The following PLCH1 variants were observed in gnomAD, a reference collection of about 807,000 sequenced individuals.
PLCH1 encodes the protein 1-phosphatidylinositol 4,5-bisphosphate phosphodiesterase eta-1.
In PLCH1, 60 loss-of-function variants were observed where a neutral mutation model predicts 126.7. That is an observed-to-expected ratio of 0.47 (90% confidence interval 0.38 to 0.59). PLCH1 has a LOEUF of 0.59. Among genes scored for constraint, PLCH1 ranks in the 20% least tolerant of loss-of-function variants. PLCH1 has a pLI of 0.00. For missense variants in PLCH1, 1,723 were observed against 2,040.0 expected (o/e 0.84, Z 2.99); for synonymous variants, 719 against 734.9 (o/e 0.98, Z 0.35).
At chr3:155,527,030 C>T (rs1722044943) in intron 10 of PLCH1, among the ~76,000 whole-genome samples, 1 of 152,150 alleles carries the variant, frequency 6.6e-6, no homozygotes, top group African/African-American at 2.4e-5. Flanking sequence ...CACCCTACTC[C>T]CTCCACCCAC....
intron 21 of PLCH1, among the ~76,000 whole-genome samples, chr3:155,486,549 G>T (rs1171063623): frequency 8.0e-6 from 1 of 125,458 alleles, no homozygotes; most frequent in Non-Finnish European, 1.6e-5. Flanking sequence ...ACGGAGTCTC[G>T]CTCTGTCGCC....
intron 10 of PLCH1, among the ~76,000 whole-genome samples, chr3:155,537,638 A>T (rs907884387): frequency 2.0e-5 from 3 of 151,972 alleles, no homozygotes; most frequent in Non-Finnish European, 4.4e-5. Flanking sequence ...AACAGCAGTT[A>T]AAAAAAACAA....
intron 2 of PLCH1, among the ~76,000 whole-genome samples, chr3:155,688,709 G>A (rs920084110): frequency 2.0e-5 from 3 of 152,156 alleles, no homozygotes; most frequent in African/African-American, 7.2e-5. Flanking sequence ...CACCACTGCT[G>A]ATGGAAGAGC....
At chr3:155,506,573 A>G (rs1718783021) in intron 12 of PLCH1, among the ~76,000 whole-genome samples, 1 of 124,328 alleles carries the variant, frequency 8.0e-6, no homozygotes, top group Non-Finnish European at 1.6e-5. Context: ...TCATTGTTCA[A>G]TTCCCACCTA....
chr3:155,722,442 G>A (rs1050822224), intron 1 of PLCH1, among the ~76,000 whole-genome samples: 4 of 152,208 alleles, frequency 2.6e-5, no homozygotes, highest in South Asian at 2.1e-4. Flanking sequence ...GATTACAGGC[G>A]TGAGCCACTG....
intron 2 of PLCH1, among the ~76,000 whole-genome samples, chr3:155,615,626 T>C (rs562003489): frequency 6.6e-6 from 1 of 152,326 alleles, no homozygotes; most frequent in East Asian, 1.9e-4. Context: ...GCAACCTGAA[T>C]GGAGCTGGAG....
chr3:155,734,849 C>T (rs1749045064), intron 1 of PLCH1, among the ~76,000 whole-genome samples: 2 of 152,142 alleles, frequency 1.3e-5, no homozygotes, highest in South Asian at 4.2e-4. Flanking sequence ...GCTGGGACTA[C>T]AGGCACCCGC....
chr3:155,485,092 C>T (rs1329045774), intron 22 of PLCH1, among the ~76,000 whole-genome samples: 1 of 152,184 alleles, frequency 6.6e-6, no homozygotes, highest in Non-Finnish European at 1.5e-5. Flanking sequence ...TCATCTTCCT[C>T]TCTGTGCCAT....
At chr3:155,498,008 C>T (rs1198078856) in intron 14 of PLCH1, among the ~76,000 whole-genome samples, 1 of 152,184 alleles carries the variant, frequency 6.6e-6, no homozygotes, top group Non-Finnish European at 1.5e-5. Flanking sequence ...AGCCACAGCA[C>T]CTGGCCATGA....
intron 1 of PLCH1, among the ~76,000 whole-genome samples, chr3:155,738,108 C>T (rs1417948679): frequency 2.0e-5 from 3 of 152,126 alleles, no homozygotes; most frequent in Admixed American, 6.5e-5. Context: ...TGCAAAAGAA[C>T]CAGCCACAGA....
chr3:155,532,103 A>G (rs753174577), intron 10 of PLCH1, among the ~76,000 whole-genome samples: 10 of 152,160 alleles, frequency 6.6e-5, no homozygotes, highest in Non-Finnish European at 1.2e-4. Context: ...CATCTTCCTC[A>G]CTAAGCTTAA....
At chr3:155,524,438 A>G (rs1721636080) in intron 10 of PLCH1, among the ~76,000 whole-genome samples, 1 of 152,214 alleles carries the variant, frequency 6.6e-6, no homozygotes, top group Non-Finnish European at 1.5e-5. Context: ...GGTTTATTGT[A>G]TACATTTAAA....
chr3:155,549,549 A>G (rs1336848165), intron 10 of PLCH1, among the ~76,000 whole-genome samples: 1 of 152,226 alleles, frequency 6.6e-6, no homozygotes, highest in African/African-American at 2.4e-5. Context: ...TTTGGCTTAC[A>G]GTATTGATGT....
intron 21 of PLCH1, among the ~76,000 whole-genome samples, chr3:155,453,391 T>C (rs1712361523): frequency 1.3e-5 from 2 of 152,328 alleles, no homozygotes; most frequent in East Asian, 3.9e-4. Context: ...CATTTTACTG[T>C]GGTTTTTTGA....
chr3:155,489,929 T>C (rs897335340), intron 19 of PLCH1, among the ~76,000 whole-genome samples: 2 of 152,190 alleles, frequency 1.3e-5, no homozygotes, highest in Non-Finnish European at 2.9e-5. Context: ...GAAGATCTTT[T>C]TGTTGACTTA....
rs760733451 is a variant in PLCH1, at chr3:155,482,029, G to C, written c.3997C>G (p.Leu1333Val). ...CSPASSPDLT[L>V]EDVIADPTLC... is the part of the protein sequence containing the mutation. ...GTGGGATCAGCTATTACATCCTCCA[G>C]GGTCAAATCAGGGGAAGAGGCAGGG... is the stretch of plus-strand genomic sequence containing the variant. The change falls in exon 23 of 23, where the codon CTG (leucine) becomes GTG (valine). Residue 1333 changes from leucine (L) to valine (V), a missense_variant. Leu to Val is a conservative substitution (Grantham distance 32, BLOSUM62 1). This residue lies in a region of PLCH1 where 947 missense variants were observed against 977.1 expected (regional missense o/e 0.97). Transcript: ENST00000460012. 20 of 1,614,032 alleles carry C rather than the reference G, an allele frequency of 1.2e-5. No homozygotes were observed. Among genetic ancestry groups the C allele is most frequent in the Non-Finnish European group, 1.5e-5 (18 of 1,180,006 alleles).
intron 11 of PLCH1, among the ~76,000 whole-genome samples, chr3:155,517,415 C>A (rs958693950): frequency 1.3e-5 from 2 of 152,144 alleles, no homozygotes; most frequent in African/African-American, 4.8e-5. Context: ...CGTCTGGAGG[C>A]CAAAAGTATG....
rs71155058 is a variant in PLCH1, at chr3:155,626,768, C to CAAAAAAAAAA, written c.80-30400_80-30391dup. On this transcript the variant is annotated intron_variant, in intron 2 of 22. Transcript: ENST00000460012. ...TGGGCCACAGAGCGAGACTCCGTCT[C>CAAAAAAAAAA]AAAAAAAAAAAAAAAAAAAAAAAAA... 6.2e-4 allele frequency among the ~76,000 whole-genome samples: 31 copies of CAAAAAAAAAA among 49,654 alleles called. 1 individual carries two copies. Among genetic ancestry groups the CAAAAAAAAAA allele is most frequent in the Admixed American group, 1.0e-3 (3 of 2,870 alleles). The allele number at this position is 49,654 out of a possible 152,430, so 32.6% of individuals were successfully genotyped here.
At chr3:155,731,750 A>G (rs2109178400) in intron 1 of PLCH1, among the ~76,000 whole-genome samples, 1 of 152,298 alleles carries the variant, frequency 6.6e-6, no homozygotes, top group South Asian at 2.1e-4. Context: ...TAGAAAGTCA[A>G]GGCAAGCATA....
Sources: allele counts gnomAD v4.1 joint callset (sites outside exome capture counted in the v4.1 genomes callset), GRCh38; gene constraint gnomAD v4.1.1; regional missense constraint gnomAD v4.1.1; transcripts MANE v1.5; gene names NCBI Gene and HGNC (gene_info 2026-07-23, HGNC 2026-07-21).